LRCH1: variants seen among roughly 807,000 people sequenced by gnomAD.
LRCH1 encodes leucine-rich repeat and calponin homology domain-containing protein 1.
A neutral mutation model predicts 94.9 loss-of-function variants in LRCH1; 23 were observed. The ratio of observed to expected loss-of-function variants is 0.24; its 90% CI spans 0.17 to 0.34. LRCH1 has a LOEUF of 0.34. LRCH1 is among the 10% of genes least tolerant of loss of function. The probability of loss-of-function intolerance (pLI) is 1.00; values close to 1 mark genes in which losing one functional copy is unlikely to be tolerated. For missense variants in LRCH1, 790 were observed against 945.9 expected (o/e 0.84, Z 2.16); for synonymous variants, 364 against 354.9 (o/e 1.03, Z -0.29).
intron 1 of LRCH1, among the ~76,000 whole-genome samples, chr13:46,629,422 A>T (rs530675409): frequency 6.6e-6 from 1 of 152,352 alleles, no homozygotes; most frequent in South Asian, 2.1e-4. Flanking sequence ...AAGCACAATG[A>T]ATACCTCTAA....
chr13:46,613,757 A>G (rs748628147), intron 1 of LRCH1, among the ~76,000 whole-genome samples: 13 of 152,226 alleles, frequency 8.5e-5, no homozygotes, highest in Non-Finnish European at 1.6e-4. Context: ...CATATACAAC[A>G]TAAGCAGGGT....
intron 1 of LRCH1, among the ~76,000 whole-genome samples, chr13:46,603,330 ATC>A (rs1286906515): frequency 6.6e-6 from 1 of 151,804 alleles, no homozygotes; most frequent in Admixed American, 6.6e-5. Flanking sequence ...CTTCCCTGAA[ATC>A]TCTGTCAGCC....
At chr13:46,667,666 C>T (rs9567717) in intron 2 of LRCH1, among the ~76,000 whole-genome samples, 96,627 of 151,844 alleles carry the variant, frequency 0.64, 31,222 homozygotes, top group Middle Eastern at 0.72. Context: ...CCCTAGAACT[C>T]AAAGTATAAT....
chr13:46,700,983 A>G (rs1871437482), intron 10 of LRCH1, 138 bp from the exon 11 acceptor site: 3 of 630,584 alleles, frequency 4.8e-6, no homozygotes, highest in Non-Finnish European at 5.6e-6. Context: ...GTACAAACAC[A>G]TTTTCACCAT....
At chr13:46,600,628 C>CACAA (rs1349798221) in intron 1 of LRCH1, among the ~76,000 whole-genome samples, 29 of 128,864 alleles carry the variant, frequency 2.3e-4, no homozygotes, top group African/African-American at 7.5e-4. Flanking sequence ...TACACACACA[C>CACAA]ACACACACAC....
intron 1 of LRCH1, among the ~76,000 whole-genome samples, chr13:46,645,868 G>A (rs953068156): frequency 3.3e-5 from 5 of 152,208 alleles, no homozygotes; most frequent in East Asian, 3.9e-4. Context: ...AATATTCTAC[G>A]CACATGTATT....
rs182486169 is a variant in LRCH1 at position 46,604,534 on chromosome 13, T to C, written c.308-45667T>C. On this transcript the variant is annotated intron_variant, in intron 1 of 19. Coordinates refer to ENST00000389797, the MANE Select transcript of LRCH1 (RefSeq NM_001164211.2). ...ATAGTGTTATTTTAATTTTCAATTGTTTGCCTTTCTTCCCTGTGATACGGA... is the reference window on the plus strand; with the variant it reads ...ATAGTGTTATTTTAATTTTCAATTGCTTGCCTTTCTTCCCTGTGATACGGA... 3.9e-3 allele frequency among the ~76,000 whole-genome samples: 599 copies of C among 152,342 alleles called. 8 individuals are homozygous for C. Among genetic ancestry groups the C allele is most frequent in the African/African-American group, 0.013 (531 of 41,586 alleles).
At chr13:46,676,614 G>A (rs915637803) in intron 3 of LRCH1, among the ~76,000 whole-genome samples, 2 of 152,098 alleles carry the variant, frequency 1.3e-5, no homozygotes, top group Non-Finnish European at 2.9e-5. Flanking sequence ...TAAATAAAGA[G>A]CTAGATTCTT....
At chr13:46,688,989 A>G in intron 6 of LRCH1, 144 bp from the exon 7 acceptor site, 1 of 631,672 alleles carries the variant, frequency 1.6e-6, no homozygotes, top group Non-Finnish European at 2.8e-6. Context: ...ATTCTTTAAT[A>G]CTAGACTGAT....
chr13:46,639,359 T>A (rs996326902), intron 1 of LRCH1, among the ~76,000 whole-genome samples: 4 of 152,204 alleles, frequency 2.6e-5, no homozygotes, highest in Non-Finnish European at 5.9e-5. Flanking sequence ...TCATTTTCTT[T>A]GCATTTCCGA....
chr13:46,662,594 C>G (rs1369442258), intron 2 of LRCH1, among the ~76,000 whole-genome samples: 5 of 152,088 alleles, frequency 3.3e-5, no homozygotes, highest in Non-Finnish European at 7.4e-5. Context: ...TTGAAGAACT[C>G]TTAGAAGAAA....
rs1022480561 is a variant in LRCH1 at position 46,699,241 on chromosome 13, G to C, written c.1246-95G>C. 5 of 934,290 alleles carry C rather than the reference G, an allele frequency of 5.4e-6. No homozygotes were observed. In the African/African-American group the frequency reaches 6.5e-5, roughly 12 times the overall value. The allele number at this position is 934,290 out of a possible 1,614,324, so 57.9% of individuals were successfully genotyped here. A position where few individuals can be genotyped will look rare whatever the true frequency, so the allele number is the denominator to read the frequency against. ...CTTGTTTCCAGCTTTTGGCTATTGTGAATAACGCTGTTATAAACATGGGCT... is the reference window on the plus strand; with the variant it reads ...CTTGTTTCCAGCTTTTGGCTATTGTCAATAACGCTGTTATAAACATGGGCT... On this transcript the variant is annotated intron_variant, in intron 9 of 19. Transcript: ENST00000389797.
At chr13:46,660,743 G>A (rs1394546119) in intron 2 of LRCH1, among the ~76,000 whole-genome samples, 1 of 152,056 alleles carries the variant, frequency 6.6e-6, no homozygotes, top group Non-Finnish European at 1.5e-5. Flanking sequence ...GTTCCCTAAA[G>A]CTTTGGTCTT....
At chr13:46,634,245 G>A (rs1360037197) in intron 1 of LRCH1, among the ~76,000 whole-genome samples, 2 of 152,204 alleles carry the variant, frequency 1.3e-5, no homozygotes, top group Non-Finnish European at 2.9e-5. Flanking sequence ...AGCCCCAGAT[G>A]CCACCAGCTC....
In LRCH1 at chr13:46,663,920, A is replaced by G. The variant is rs931965667; in HGVS notation, c.453-5110A>G. 2.6e-5 allele frequency among the ~76,000 whole-genome samples: 4 copies of G among 152,208 alleles called. No homozygotes were observed. The East Asian group carries it at 7.7e-4, about 29-fold the overall frequency. On this transcript the variant is annotated intron_variant, in intron 2 of 19. Transcript: ENST00000389797. Reference sequence around the variant, plus strand: ...ACTTTACATCATTATTTCCATTACTATTTGAAAACAAGTAGTAAACAGAGA... The same window carrying G: ...ACTTTACATCATTATTTCCATTACTGTTTGAAAACAAGTAGTAAACAGAGA...
At chr13:46,579,065 TG>T (rs1425133469) in intron 1 of LRCH1, among the ~76,000 whole-genome samples, 11 of 152,270 alleles carry the variant, frequency 7.2e-5, no homozygotes, top group African/African-American at 2.6e-4. Flanking sequence ...GGGCTCGCTG[TG>T]TGCAGGGAAA....
chr13:46,588,963 A>G (rs1444441773), intron 1 of LRCH1, among the ~76,000 whole-genome samples: 3 of 150,392 alleles, frequency 2.0e-5, no homozygotes, highest in Admixed American at 6.6e-5. Flanking sequence ...GGATGTGTGT[A>G]TATATATATA....
chr13:46,688,417 C>G (rs1328813779), intron 6 of LRCH1, among the ~76,000 whole-genome samples: 1 of 152,148 alleles, frequency 6.6e-6, no homozygotes, highest in African/African-American at 2.4e-5. Context: ...TATTTTTGGT[C>G]TTTTAAAAAT....
At chr13:46,740,744 C>T (rs769652228) in intron 19 of LRCH1, among the ~76,000 whole-genome samples, 18 of 152,066 alleles carry the variant, frequency 1.2e-4, no homozygotes, top group Non-Finnish European at 2.1e-4. Context: ...TGGTCATTTC[C>T]GGTTCAGGAA....
Sources: allele counts gnomAD v4.1 joint callset (sites outside exome capture counted in the v4.1 genomes callset), GRCh38; gene constraint gnomAD v4.1.1; transcripts MANE v1.5; gene names NCBI Gene and HGNC (gene_info 2026-07-23, HGNC 2026-07-21).